NIM1K: variants seen among roughly 807,000 people sequenced by gnomAD.
NIM1K encodes serine/threonine-protein kinase NIM1.
NIM1K carries 35 observed loss-of-function variants against 37.1 expected under a neutral mutation model. The observed-to-expected ratio is 0.94, with a 90% CI of 0.72 to 1.25. The LOEUF (loss-of-function observed/expected upper bound fraction) is 1.25. NIM1K is among the 50% of genes most tolerant of loss of function. The pLI is 0.00. For synonymous variants in NIM1K, 234 were observed against 206.6 expected, an observed-to-expected ratio of 1.13 and a Z score of -1.14; for missense variants, 564 against 548.0, an observed-to-expected ratio of 1.03 and a Z score of -0.29.
At chr5:43,277,815 T>TGTGTGTGTGAGAGA (rs532526440) in intron 3 of NIM1K, among the ~76,000 whole-genome samples, 1 of 128,948 alleles carries the variant, frequency 7.8e-6, no homozygotes, top group African/African-American at 2.9e-5. Context: ...TGTGTGTGTG[T>TGTGTGTGTGAGAGA]GAGAGAGAGA....
At chr5:43,273,585 T>C (rs1753291667) in intron 2 of NIM1K, among the ~76,000 whole-genome samples, 1 of 152,216 alleles carries the variant, frequency 6.6e-6, no homozygotes, top group African/African-American at 2.4e-5. Context: ...CATTGCCCTA[T>C]AGTTAAAGCC....
chr5:43,245,427 A>C lies in NIM1K; in HGVS notation c.-349A>C, dbSNP rs2112262118. 1 of 191,136 alleles carries C rather than the reference A, an allele frequency of 5.2e-6. No homozygotes were observed. Among genetic ancestry groups the C allele is most frequent in the East Asian group, 1.2e-4 (1 of 8,234 alleles). 11.8% of individuals were successfully genotyped at this position (191,136 alleles called of 1,614,324 possible). On this transcript the variant is annotated 5_prime_UTR_variant, in exon 2 of 4. Coordinates refer to ENST00000326035, the MANE Select transcript of NIM1K (RefSeq NM_153361.4). The stretch of plus-strand genomic sequence containing the variant: ...TCCTGGGGCACAGCCACCTACCACA[A>C]AGCATCAGACTCCACGTCTGGCCAG...
At chr5:43,209,607 T>C (rs963361367) in intron 1 of NIM1K, among the ~76,000 whole-genome samples, 1 of 152,056 alleles carries the variant, frequency 6.6e-6, no homozygotes, top group African/African-American at 2.4e-5. Context: ...TTATTTATTT[T>C]AATTTTATTT....
chr5:43,267,848 A>G (rs1753188320), intron 2 of NIM1K, among the ~76,000 whole-genome samples: 1 of 152,118 alleles, frequency 6.6e-6, no homozygotes, highest in African/African-American at 2.4e-5. Flanking sequence ...AAAATTATTG[A>G]TACTTGTTTT....
At chr5:43,260,466 T>C (rs1383522372) in intron 2 of NIM1K, among the ~76,000 whole-genome samples, 3 of 152,222 alleles carry the variant, frequency 2.0e-5, no homozygotes, top group African/African-American at 7.2e-5. Flanking sequence ...CATGACATTG[T>C]TTTTGTCATA....
intron 2 of NIM1K, among the ~76,000 whole-genome samples, chr5:43,255,469 G>T (rs996239871): frequency 6.6e-6 from 1 of 152,122 alleles, no homozygotes; most frequent in African/African-American, 2.4e-5. Context: ...AAGAAAAGAG[G>T]GCCGGGCGCG....
chr5:43,219,021 T>C (rs911208792), intron 1 of NIM1K, among the ~76,000 whole-genome samples: 6 of 152,164 alleles, frequency 3.9e-5, no homozygotes, highest in Non-Finnish European at 7.4e-5. Flanking sequence ...TGAGTTCTCA[T>C]GCGATCTGAC....
chr5:43,216,492 T>C (rs1752301597), intron 1 of NIM1K, among the ~76,000 whole-genome samples: 1 of 152,216 alleles, frequency 6.6e-6, no homozygotes, highest in Admixed American at 6.5e-5. Context: ...GTATCAGAGC[T>C]TGAGTAAAAA....
chr5:43,262,427 G>T (rs1361373338), intron 2 of NIM1K, among the ~76,000 whole-genome samples: 1 of 151,392 alleles, frequency 6.6e-6, no homozygotes, highest in African/African-American at 2.4e-5. Flanking sequence ...TATTGGTAGA[G>T]GAATGCTTGT....
chr5:43,220,201 T>G (rs1360279008), intron 1 of NIM1K, among the ~76,000 whole-genome samples: 1 of 152,208 alleles, frequency 6.6e-6, no homozygotes, highest in African/African-American at 2.4e-5. Flanking sequence ...TATCTTTAGC[T>G]CTTACATTTA....
intron 1 of NIM1K, among the ~76,000 whole-genome samples, chr5:43,217,948 G>T (rs569525098): frequency 9.2e-5 from 14 of 152,178 alleles, no homozygotes; most frequent in African/African-American, 3.1e-4. Flanking sequence ...CTCACCTCAG[G>T]TGATCCACCC....
At chr5:43,232,254 G>T in intron 1 of NIM1K, 2 of 1,083,342 alleles carry the variant, frequency 1.8e-6, no homozygotes, top group Non-Finnish European at 2.8e-6. Flanking sequence ...CCATGGCAAG[G>T]CTCACATTTC....
intron 2 of NIM1K, 41 bp from the exon 3 acceptor site, chr5:43,277,016 C>G: frequency 6.2e-7 from 1 of 1,602,496 alleles, no homozygotes; most frequent in South Asian, 1.1e-5. Context: ...TAACTATGCT[C>G]CTGTGAATTC....
In NIM1K at chr5:43,245,846, G is replaced by C. The variant is rs763847048; in HGVS notation, c.71G>C (p.Ser24Thr). ...PHYARWDRRD[S>T]VESGCQTESS... ...TATGCCCGGTGGGATCGGCGCGACA[G>C]TGTAGAAAGTGGCTGTCAGACCGAG... The change falls in exon 2 of 4, where the codon AGT becomes ACT. Residue 24 changes from serine (S) to threonine (T), a missense_variant. By Grantham distance (58) the Ser-to-Thr change is moderately conservative. Transcript: ENST00000326035. 1.2e-6 allele frequency: 2 copies of C among 1,614,138 alleles called. No homozygotes were observed. The highest frequency in any genetic ancestry group is 1.7e-6 in the Non-Finnish European group (2 of 1,180,000).
At chr5:43,263,309 G>T (rs1309511336) in intron 2 of NIM1K, among the ~76,000 whole-genome samples, 3 of 152,134 alleles carry the variant, frequency 2.0e-5, no homozygotes, top group Non-Finnish European at 4.4e-5. Context: ...TCTATTCAGG[G>T]ATTCAACTTC....
chr5:43,232,010 C>A lies in NIM1K; in HGVS notation c.-694-13072C>A, dbSNP rs1331803367. 4 of 1,037,426 alleles carry A rather than the reference C, an allele frequency of 3.9e-6. No homozygotes were observed. In the African/African-American group the frequency reaches 4.8e-5, roughly 12 times the overall value. The allele number at this position is 1,037,426 out of a possible 1,614,324, so 64.3% of individuals were successfully genotyped here. A position where few individuals can be genotyped will look rare whatever the true frequency, so the allele number is the denominator to read the frequency against. Reference sequence around the variant, plus strand: ...AACTTGTGGTCCAGGTGAGCCCAGGCCTCAGCAATGGCTGTGGTATTGCTC... The same window carrying A: ...AACTTGTGGTCCAGGTGAGCCCAGGACTCAGCAATGGCTGTGGTATTGCTC... On this transcript the variant is annotated intron_variant, in intron 1 of 3. Coordinates refer to ENST00000326035, the MANE Select transcript of NIM1K (RefSeq NM_153361.4).
intron 2 of NIM1K, among the ~76,000 whole-genome samples, chr5:43,269,896 G>A (rs946422675): frequency 1.3e-5 from 2 of 152,132 alleles, no homozygotes; most frequent in Non-Finnish European, 2.9e-5. Context: ...GGGATTACAG[G>A]TGTGAGCCAC....
intron 3 of NIM1K, among the ~76,000 whole-genome samples, chr5:43,279,596 G>T (rs1184148875): frequency 6.6e-6 from 1 of 152,182 alleles, no homozygotes; most frequent in Non-Finnish European, 1.5e-5. Context: ...TCAGGGGAGG[G>T]CTCCAAGCCT....
At chr5:43,258,643 A>C (rs1251672993) in intron 2 of NIM1K, among the ~76,000 whole-genome samples, 1 of 151,968 alleles carries the variant, frequency 6.6e-6, no homozygotes, top group Non-Finnish European at 1.5e-5. Context: ...GGGTCCTGCT[A>C]TGTTGCCCAG....
Sources: gnomAD v4.1 joint callset for allele counts (sites outside exome capture counted in the v4.1 genomes callset) on GRCh38, gnomAD v4.1.1 for gene constraint, MANE v1.5 for transcripts, NCBI Gene and HGNC (gene_info 2026-07-23, HGNC 2026-07-21) for gene names.